IGF2BP3: variants seen among roughly 807,000 people sequenced by gnomAD.
IGF2BP3 encodes the protein insulin like growth factor 2 mRNA binding protein 3, also known as insulin-like growth factor 2 mRNA-binding protein 3.
In IGF2BP3, 9 loss-of-function variants were observed where a neutral mutation model predicts 73.8. The observed-to-expected ratio is 0.12, with a 90% confidence interval of 0.07 to 0.21. The LOEUF (loss-of-function observed/expected upper bound fraction) is 0.21, where lower values mean the gene tolerates loss of function less well. Ranked by LOEUF, IGF2BP3 falls within the 10% of genes least tolerant of loss-of-function variation. IGF2BP3 has a pLI of 1.00. For synonymous variants in IGF2BP3, 258 were observed against 256.7 expected, an observed-to-expected ratio of 1.01 and a Z score of -0.05; for missense variants, 542 against 714.0, an observed-to-expected ratio of 0.76 and a Z score of 2.75.
chr7:23,326,922 TG>T (rs1784312867), intron 10 of IGF2BP3, among the ~76,000 whole-genome samples: 3 of 79,464 alleles, frequency 3.8e-5, no homozygotes, highest in African/African-American at 5.2e-5. Context: ...TGTTGTGGGG[TG>T]GGGGGAGGGG....
chr7:23,406,023 C>T (rs1409112219), intron 3 of IGF2BP3, among the ~76,000 whole-genome samples: 2 of 146,952 alleles, frequency 1.4e-5, no homozygotes, highest in South Asian at 2.1e-4. Flanking sequence ...AACCTCTGGA[C>T]GACTGTTGCA....
intron 3 of IGF2BP3, among the ~76,000 whole-genome samples, chr7:23,398,981 G>A (rs1583991948): frequency 1.3e-5 from 2 of 152,128 alleles, no homozygotes; most frequent in Admixed American, 1.3e-4. Context: ...TGAAGTCCTT[G>A]CCCATGCCTA....
rs1036145502 is a variant in IGF2BP3, at chr7:23,325,951, G to A, written c.1204-6697C>T. ...TTCAAGATGGACTAAAGACTTAAAC[G>A]TTAGACCTAAAACCATAAAAACCCT... is the stretch of plus-strand genomic sequence containing the variant. On this transcript the variant is annotated intron_variant, in intron 10 of 14. Transcript: ENST00000258729. 6.2e-4 allele frequency among the ~76,000 whole-genome samples: 94 copies of A among 152,268 alleles called. 1 individual carries two copies. The highest frequency in any genetic ancestry group is 3.4e-3 in the Middle Eastern group (1 of 294).
chr7:23,413,157 G>A (rs1174829290), intron 3 of IGF2BP3: 1 of 151,322 alleles, frequency 6.6e-6, no homozygotes, highest in Admixed American at 6.6e-5. Flanking sequence ...ACCGCAACTG[G>A]CCCCACTTAC....
intron 3 of IGF2BP3, among the ~76,000 whole-genome samples, chr7:23,388,281 C>A (rs1786152525): frequency 1.3e-5 from 2 of 152,072 alleles, no homozygotes; most frequent in Admixed American, 1.3e-4. Context: ...GTTATTCCAC[C>A]CCTGTGTATT....
At chr7:23,457,275 C>A (rs532334697) in intron 2 of IGF2BP3, among the ~76,000 whole-genome samples, 2 of 152,030 alleles carry the variant, frequency 1.3e-5, no homozygotes, top group South Asian at 2.1e-4. Context: ...ACCAGCCTGG[C>A]CAACATGGCA....
At chr7:23,336,950 A>C (rs1181060941) in intron 10 of IGF2BP3, among the ~76,000 whole-genome samples, 1 of 152,156 alleles carries the variant, frequency 6.6e-6, no homozygotes, top group Admixed American at 6.5e-5. Context: ...TCTGTCTCCA[A>C]AAGAAAAAAA....
intron 2 of IGF2BP3, among the ~76,000 whole-genome samples, chr7:23,435,463 C>A (rs11973956): frequency 7.3e-6 from 1 of 137,388 alleles, no homozygotes. Flanking sequence ...TTTTTTTTTT[C>A]TTTTCTTTGA....
intron 3 of IGF2BP3, among the ~76,000 whole-genome samples, chr7:23,362,242 C>T (rs980426030): frequency 6.6e-6 from 1 of 150,530 alleles, no homozygotes; most frequent in African/African-American, 2.5e-5. Context: ...TGAGACCCCC[C>T]ATCTCTAAAA....
chr7:23,433,889 A>T (rs574549947), intron 2 of IGF2BP3, among the ~76,000 whole-genome samples: 1 of 152,126 alleles, frequency 6.6e-6, no homozygotes, highest in Non-Finnish European at 1.5e-5. Context: ...AGTCTGGCCA[A>T]CATGGCGAAA....
At chr7:23,389,940 C>T (rs1450987742) in intron 3 of IGF2BP3, among the ~76,000 whole-genome samples, 1 of 151,772 alleles carries the variant, frequency 6.6e-6, no homozygotes, top group Middle Eastern at 3.2e-3. Context: ...TGAGCCAGTA[C>T]ACTCCAGCCT....
chr7:23,401,089 G>A (rs181048104), intron 3 of IGF2BP3, among the ~76,000 whole-genome samples: 43 of 152,246 alleles, frequency 2.8e-4, no homozygotes, highest in African/African-American at 9.4e-4. Context: ...GAGCTATCAC[G>A]CCCAGCCCAA....
At chr7:23,391,389 C>T (rs982067344) in intron 3 of IGF2BP3, among the ~76,000 whole-genome samples, 10 of 152,286 alleles carry the variant, frequency 6.6e-5, no homozygotes, top group Non-Finnish European at 1.2e-4. Context: ...TGTGAGCCAC[C>T]GTGCCCGGCC....
At chr7:23,338,368 G>A (rs573713085) in intron 10 of IGF2BP3, among the ~76,000 whole-genome samples, 150 of 152,280 alleles carry the variant, frequency 9.9e-4, no homozygotes, top group Non-Finnish European at 1.6e-3. Flanking sequence ...TAGAACAGAA[G>A]TTCTTAGCTG....
intron 3 of IGF2BP3, among the ~76,000 whole-genome samples, chr7:23,366,557 GAA>G (rs375905542): frequency 2.1e-4 from 17 of 82,634 alleles, no homozygotes; most frequent in African/African-American, 6.5e-4. Context: ...AAGTAAAAAA[GAA>G]AAAAAAAAAA....
At position 23,361,706 on chromosome 7, in the gene IGF2BP3, C is replaced by A; in HGVS notation, c.321G>T (p.Val107=). The change falls in exon 4 of 15, where the codon GTG becomes GTT. Residue 107 remains valine, a synonymous_variant. Coordinates refer to ENST00000258729, the MANE Select transcript of IGF2BP3 (RefSeq NM_006547.3). ...GACATGTACCTTGCTCACAGCTCTC[C>A]ACCACTCCATACTGGACTAGTAAAC... The part of the protein sequence containing the change: ...LDSLLVQYGV[V]ESCEQVNTDS... 1 of 1,614,014 alleles carries A rather than the reference C, an allele frequency of 6.2e-7. No individual in the cohort carries two copies. Among genetic ancestry groups the A allele is most frequent in the Non-Finnish European group, 8.5e-7 (1 of 1,179,916 alleles).
chr7:23,459,322 G>A (rs1210938854), intron 2 of IGF2BP3, among the ~76,000 whole-genome samples: 1 of 152,136 alleles, frequency 6.6e-6, no homozygotes, highest in Non-Finnish European at 1.5e-5. Context: ...TTTTTTAAAT[G>A]TAAAAATGAG....
At chr7:23,417,268 A>G (rs965317360) in intron 3 of IGF2BP3, among the ~76,000 whole-genome samples, 1 of 152,224 alleles carries the variant, frequency 6.6e-6, no homozygotes, top group African/African-American at 2.4e-5. Context: ...TCCAAAGTCT[A>G]GTTCCAAGCA....
In IGF2BP3 at chr7:23,312,911, T is replaced by TA. The variant is rs1485148818; in HGVS notation, c.1528-64dup. ...TTTAAAACCTTACTTCCTAAGCACT[T>TA]ACTGTGCGCCAGACAGTGAGCTATG... On this transcript the variant is annotated intron_variant, in intron 13 of 14. Transcript: ENST00000258729. 3.0e-6 allele frequency: 3 copies of TA among 988,812 alleles called. No individual in the cohort carries two copies. The African/African-American group carries it at 4.9e-5, about 16-fold the overall frequency. 61.3% of individuals were successfully genotyped at this position (988,812 alleles called of 1,614,324 possible).
Sources: gnomAD v4.1 joint callset for allele counts (sites outside exome capture counted in the v4.1 genomes callset) on GRCh38, gnomAD v4.1.1 for gene constraint, MANE v1.5 for transcripts, NCBI Gene and HGNC (gene_info 2026-07-23, HGNC 2026-07-21) for gene names.